The following SF3A3 variants were observed in gnomAD, a reference collection of about 807,000 sequenced individuals.
SF3A3 encodes SAP 61.
In SF3A3, 9 loss-of-function variants were observed where a neutral mutation model predicts 85.8. That is an observed-to-expected ratio of 0.10 (90% confidence interval 0.06 to 0.18). The LOEUF (loss-of-function observed/expected upper bound fraction) is 0.18. SF3A3 is among the 10% of genes least tolerant of loss of function. The pLI, the probability that SF3A3 is intolerant of heterozygous loss-of-function variation, is 1.00. For synonymous variants in SF3A3, 195 were observed against 204.4 expected (o/e 0.95, Z 0.39); for missense variants, 306 against 593.3 (o/e 0.52, Z 5.03).
intron 12 of SF3A3, among the ~76,000 whole-genome samples, chr1:37,970,314 A>G (rs989125204): frequency 6.6e-6 from 1 of 151,602 alleles, no homozygotes; most frequent in Non-Finnish European, 1.5e-5. Flanking sequence ...CAAAAAAAAA[A>G]AAAAAAAATA....
At chr1:37,977,287 T>C (rs1646385264) in intron 11 of SF3A3, among the ~76,000 whole-genome samples, 1 of 152,238 alleles carries the variant, frequency 6.6e-6, no homozygotes, top group Non-Finnish European at 1.5e-5. Context: ...ATCCTGACTC[T>C]GCTACTTAGA....
In SF3A3 at chr1:37,969,554, G is replaced by A. The variant is rs1388539155; in HGVS notation, c.1170+17C>T. The A allele has an allele frequency of 6.8e-6, 11 of 1,614,062 alleles. No individual in the cohort carries two copies. The highest frequency in any genetic ancestry group is 9.3e-6 in the Non-Finnish European group (11 of 1,180,022). ...CAAAATGGGGAATGGGGAGAAAGTG[G>A]TAGTGCTGAGACTTACTTTGCCATC... On this transcript the variant is annotated intron_variant, in intron 13 of 16. Transcript: ENST00000373019.
chr1:37,962,054 A>G (rs1226823951), intron 15 of SF3A3, among the ~76,000 whole-genome samples: 2 of 151,068 alleles, frequency 1.3e-5, no homozygotes, highest in African/African-American at 4.9e-5. Context: ...GCTGCACTCC[A>G]GCCTGGGCAA....
chr1:37,978,688 C>A, intron 11 of SF3A3, 32 bp downstream of exon 11: 2 of 1,389,330 alleles, frequency 1.4e-6, no homozygotes, highest in Non-Finnish European at 9.9e-7. Flanking sequence ...CATTTAAAAG[C>A]CACAAGCAGC....
At chr1:37,963,710 C>T (rs1646278329) in intron 15 of SF3A3, among the ~76,000 whole-genome samples, 3 of 150,960 alleles carry the variant, frequency 2.0e-5, no homozygotes, top group Non-Finnish European at 4.4e-5. Context: ...GCGCCCGCCA[C>T]AACGTCCGAC....
intron 4 of SF3A3, among the ~76,000 whole-genome samples, chr1:37,986,568 T>C: frequency 6.6e-6 from 1 of 151,882 alleles, no homozygotes; most frequent in East Asian, 1.9e-4. Flanking sequence ...TCCCAGCACT[T>C]TGGGAGGCCG....
At chr1:37,963,172 A>G (rs1646273973) in intron 15 of SF3A3, among the ~76,000 whole-genome samples, 1 of 152,182 alleles carries the variant, frequency 6.6e-6, no homozygotes, top group African/African-American at 2.4e-5. Context: ...GAAAATAAAA[A>G]TTTCAAAAGA....
In SF3A3 at chr1:37,957,945, T is replaced by C; in HGVS notation, c.*241A>G. On this transcript the variant is annotated 3_prime_UTR_variant, in exon 17 of 17. Coordinates refer to ENST00000373019, the MANE Select transcript of SF3A3 (RefSeq NM_006802.4). ...AGACCTGAAGCACTGAGTTGGTCCA[T>C]AACCCTGGGCTTTAGAACAAGGTCT... 3 of 496,522 alleles carry C rather than the reference T, an allele frequency of 6.0e-6. No homozygotes were observed. The highest frequency in any genetic ancestry group is 3.6e-6 in the Non-Finnish European group (1 of 277,306). 30.8% of individuals were successfully genotyped at this position (496,522 alleles called of 1,614,324 possible).
chr1:37,982,338 A>G (rs1646425023), intron 6 of SF3A3, among the ~76,000 whole-genome samples: 2 of 151,748 alleles, frequency 1.3e-5, no homozygotes, highest in African/African-American at 4.8e-5. Context: ...TCCTTTTGAG[A>G]TTGTCATATT....
chr1:37,984,259 G>A lies in SF3A3; in HGVS notation c.378C>T (p.Asn126=), dbSNP rs780325317. 1 of 1,563,716 alleles carries A rather than the reference G, an allele frequency of 6.4e-7. No homozygotes were observed. Among genetic ancestry groups the A allele is most frequent in the South Asian group, 1.1e-5 (1 of 88,850 alleles). ...CCTCTTCATCTGTGAACTCCACCAA[G>A]TCTGAGGGAATCAGATACATCAATG... ...ARENPSEEAQ[N]LVEFTDEEGY... is the part of the protein sequence containing the mutation. The change falls in exon 6 of 17, where the codon AAC becomes AAT. Residue 126 remains asparagine (N), a splice_region_variant and synonymous_variant. Coordinates refer to ENST00000373019, the MANE Select transcript of SF3A3 (RefSeq NM_006802.4).
chr1:37,985,422 TA>T (rs926905431), intron 4 of SF3A3, among the ~76,000 whole-genome samples: 1 of 148,150 alleles, frequency 6.7e-6, no homozygotes, highest in East Asian at 2.0e-4. Context: ...GTTTTTTTTT[TA>T]AATCCTGATG....
At chr1:37,959,424 T>G (rs1646241889) in intron 16 of SF3A3, among the ~76,000 whole-genome samples, 1 of 151,986 alleles carries the variant, frequency 6.6e-6, no homozygotes, top group Non-Finnish European at 1.5e-5. Context: ...TTTTTGTTGT[T>G]AAAGAGACAG....
intron 15 of SF3A3, among the ~76,000 whole-genome samples, chr1:37,962,780 T>TA (rs5773608): frequency 1.1e-4 from 16 of 143,632 alleles, no homozygotes; most frequent in Admixed American, 4.9e-4. Flanking sequence ...CCCTCTAAGT[T>TA]AAAAAAAAAA....
chr1:37,977,195 C>T (rs747654118), intron 11 of SF3A3, among the ~76,000 whole-genome samples: 9 of 152,244 alleles, frequency 5.9e-5, no homozygotes, highest in Admixed American at 3.9e-4. Flanking sequence ...ACATCAAGAC[C>T]GCTTACATTT....
intron 9 of SF3A3, 124 bp from the exon 10 acceptor site, chr1:37,979,179 C>A: frequency 1.3e-6 from 1 of 765,270 alleles, no homozygotes. Context: ...GCCAATCTAG[C>A]AGTAAGTCTA....
At chr1:37,971,183 G>A (rs1178511923) in intron 12 of SF3A3, among the ~76,000 whole-genome samples, 7 of 152,032 alleles carry the variant, frequency 4.6e-5, no homozygotes, top group East Asian at 1.9e-4. Flanking sequence ...TATCAACACC[G>A]ATCCCACAGA....
chr1:37,962,581 C>CAACAAGA (rs1646269004), intron 15 of SF3A3, among the ~76,000 whole-genome samples: 2 of 90,096 alleles, frequency 2.2e-5, no homozygotes, highest in South Asian at 7.0e-4. Flanking sequence ...CCAGTCTGGG[C>CAACAAGA]AACAAGAGCG....
Position 37,989,883 on chromosome 1 carries a change from G to T in SF3A3, c.83C>A (p.Thr28Asn), listed in dbSNP as rs766422173. Residue 28 changes from threonine to asparagine, a missense_variant, in exon 1 of 17, where the codon ACC (threonine) becomes AAC (asparagine). Physicochemically the swap from Thr to Asn is moderately conservative, Grantham distance 65 (BLOSUM62 0). Transcript: ENST00000373019. ...GGCCCCACTCACCGTGGACTTCTTG[G>T]TGAGCATCTCTTTAGCCATGACGTC... ...LMDVMAKEML[T>N]KKSTLRDQIN... 6.2e-7 allele frequency: 1 copy of T among 1,612,982 alleles called. No homozygotes were observed. Among genetic ancestry groups the T allele is most frequent in the Non-Finnish European group, 8.5e-7 (1 of 1,179,212 alleles).
At chr1:37,980,545 T>C in intron 8 of SF3A3, 41 bp downstream of exon 8, 2 of 1,601,582 alleles carry the variant, frequency 1.2e-6, no homozygotes, top group South Asian at 1.1e-5. Flanking sequence ...ATTACTTCAA[T>C]TCCCTGGCAT....
Sources: allele counts gnomAD v4.1 joint callset (sites outside exome capture counted in the v4.1 genomes callset), GRCh38; gene constraint gnomAD v4.1.1; transcripts MANE v1.5; gene names NCBI Gene and HGNC (gene_info 2026-07-23, HGNC 2026-07-21).